Variants in NRG4 observed in about 807,000 individuals in gnomAD.
The protein encoded by NRG4 is neuregulin 4.
A neutral mutation model predicts 15.0 loss-of-function variants in NRG4; 10 were observed. The observed-to-expected ratio is 0.67, with a 90% CI of 0.41 to 1.13. The LOEUF is 1.13. NRG4 is among the 50% of genes most tolerant of loss of function. The probability of loss-of-function intolerance (pLI) is 0.00; values close to 1 mark genes in which losing one functional copy is unlikely to be tolerated. For synonymous variants in NRG4, 41 were observed against 50.1 expected (o/e 0.82, Z 0.77); for missense variants, 139 against 140.2 (o/e 0.99, Z 0.04).
At chr15:76,036,861 G>A (rs546423008) in intron 4 of NRG4, among the ~76,000 whole-genome samples, 1 of 152,108 alleles carries the variant, frequency 6.6e-6, no homozygotes, top group South Asian at 2.1e-4. Flanking sequence ...ACTGTTATTC[G>A]ACATAATACT....
rs1262514538 is a variant in NRG4, at chr15:75,961,853, T to C, written c.226A>G (p.Ile76Val). 7 of 1,613,242 alleles carry C rather than the reference T, an allele frequency of 4.3e-6. No individual in the cohort carries two copies. Among genetic ancestry groups the C allele is most frequent in the East Asian group, 2.2e-5 (1 of 44,868 alleles). The stretch of plus-strand genomic sequence containing the variant: ...CTGCAAAGGAAGTAGAAGGCTCCAA[T>C]GATAAGTGTTACTAGGACCGCCAAT... The part of the protein sequence containing the change: ...VALAVLVTLI[I>V]GAFYFLCRKG... The change falls in exon 4 of 6, where the codon ATT (isoleucine) becomes GTT (valine). Residue 76 changes from isoleucine to valine, a missense_variant. By Grantham distance (29) the Ile-to-Val change is conservative. Coordinates refer to ENST00000394907, the MANE Select transcript of NRG4 (RefSeq NM_138573.4).
chr15:76,055,763 T>C (rs902939327), intron 2 of NRG4, among the ~76,000 whole-genome samples: 1 of 152,228 alleles, frequency 6.6e-6, no homozygotes, highest in Non-Finnish European at 1.5e-5. Flanking sequence ...AGATTTTTCA[T>C]GGAGGACTAT....
intron 3 of NRG4, among the ~76,000 whole-genome samples, chr15:75,966,976 G>A (rs964090048): frequency 1.3e-5 from 2 of 151,854 alleles, no homozygotes; most frequent in African/African-American, 2.4e-5. Context: ...TTAGCCAGGC[G>A]TGGTGGTAGG....
At chr15:75,999,176 A>C (rs1051858104) in intron 3 of NRG4, among the ~76,000 whole-genome samples, 2 of 152,246 alleles carry the variant, frequency 1.3e-5, no homozygotes, top group Admixed American at 1.3e-4. Flanking sequence ...TTGAGTACTT[A>C]CTATGTTTCA....
chr15:75,991,044 T>C (rs2033996787), intron 3 of NRG4, among the ~76,000 whole-genome samples: 1 of 152,194 alleles, frequency 6.6e-6, no homozygotes, highest in Non-Finnish European at 1.5e-5. Context: ...TTTCAAGGTA[T>C]CCATTTCCAA....
At chr15:76,011,159 G>C (rs1596021728) in intron 2 of NRG4, 62 bp downstream of exon 2, 20 of 1,262,832 alleles carry the variant, frequency 1.6e-5, no homozygotes, top group Non-Finnish European at 2.1e-5. Flanking sequence ...ATACATTTTT[G>C]ATTGTTGTTC....
At chr15:75,966,113 A>G (rs2032780490) in intron 3 of NRG4, among the ~76,000 whole-genome samples, 1 of 148,248 alleles carries the variant, frequency 6.7e-6, no homozygotes, top group African/African-American at 2.4e-5. Flanking sequence ...GCTGAATACC[A>G]CCAATTATCT....
Position 76,050,484 on chromosome 15 carries a change from C to T in NRG4, c.-105+1583G>A, listed in dbSNP as rs1256554644. 2.1e-5 allele frequency among the ~76,000 whole-genome samples: 3 copies of T among 143,096 alleles called. 1 individual carries two copies. The highest frequency in any genetic ancestry group is 4.5e-5 in the Non-Finnish European group (3 of 66,140). The allele number at this position is 143,096 out of a possible 152,430, so 93.9% of individuals were successfully genotyped here. On this transcript the variant is annotated intron_variant, in intron 4 of 8. Coordinates refer to the NRG4 transcript ENST00000563910. ...TGAAACGGAGTCTCACTCTATTGCCCTGGCTGGAGTGCAATGGCTCACTGC... is the reference window on the plus strand; with the variant it reads ...TGAAACGGAGTCTCACTCTATTGCCTTGGCTGGAGTGCAATGGCTCACTGC...
intron 3 of NRG4, among the ~76,000 whole-genome samples, chr15:75,999,270 C>T (rs1388219745): frequency 1.3e-5 from 2 of 152,148 alleles, no homozygotes; most frequent in African/African-American, 4.8e-5. Flanking sequence ...GATCTATAAA[C>T]TGATAATGTT....
chr15:75,964,395 G>T (rs887850712), intron 3 of NRG4, among the ~76,000 whole-genome samples: 1 of 152,042 alleles, frequency 6.6e-6, no homozygotes, highest in African/African-American at 2.4e-5. Context: ...ACTGCTAAAG[G>T]TTTTTTAAGG....
rs966149420 is a variant in NRG4, at chr15:76,011,294, G to A, written c.-56-8C>T. The A allele has an allele frequency of 2.3e-6, 3 of 1,294,196 alleles. No individual in the cohort carries two copies. Among genetic ancestry groups the A allele is most frequent in the Non-Finnish European group, 2.0e-6 (2 of 991,546 alleles). The allele number at this position is 1,294,196 out of a possible 1,614,324, so 80.2% of individuals were successfully genotyped here. ...AGGGTTGAAAAACAGTACCTAAAACGGTTTAAAAAGTAATAATTCAGGGAA... is the reference window on the plus strand; with the variant it reads ...AGGGTTGAAAAACAGTACCTAAAACAGTTTAAAAAGTAATAATTCAGGGAA... On this transcript the variant is annotated splice_region_variant and splice_polypyrimidine_tract_variant and intron_variant, in intron 1 of 5. Transcript: ENST00000394907.
chr15:76,005,678 A>AG (rs2141899963), intron 3 of NRG4: 5 of 324,962 alleles, frequency 1.5e-5, no homozygotes, highest in South Asian at 2.7e-5. Context: ...ACTCTGTCTC[A>AG]GAAAAAAAAA....
upstream of NRG4, among the ~76,000 whole-genome samples, chr15:76,015,359 C>T (rs1253126624): frequency 6.6e-6 from 1 of 152,152 alleles, no homozygotes; most frequent in Non-Finnish European, 1.5e-5. Flanking sequence ...ATTGGCCTGG[C>T]CAGAACCTCC....
chr15:76,051,788 G>T (rs1265701591), intron 4 of NRG4, among the ~76,000 whole-genome samples: 1 of 149,718 alleles, frequency 6.7e-6, no homozygotes, highest in Non-Finnish European at 1.5e-5. Flanking sequence ...AGCCAGGATG[G>T]TCTTGATCTC....
At chr15:75,994,084 C>T (rs1567097670) in intron 3 of NRG4, among the ~76,000 whole-genome samples, 1 of 152,142 alleles carries the variant, frequency 6.6e-6, no homozygotes, top group Admixed American at 6.5e-5. Flanking sequence ...CCAGACCTTA[C>T]GAGTGACATG....
intron 4 of NRG4, among the ~76,000 whole-genome samples, chr15:76,040,426 G>A (rs908377619): frequency 2.0e-5 from 3 of 152,152 alleles, no homozygotes; most frequent in Non-Finnish European, 2.9e-5. Context: ...AAATGCTAAA[G>A]GGAGTACTTC....
chr15:76,059,240 A>G (rs547322466), intron 1 of NRG4, among the ~76,000 whole-genome samples: 1 of 152,332 alleles, frequency 6.6e-6, no homozygotes, highest in East Asian at 1.9e-4. Flanking sequence ...GAGGCCATCA[A>G]ATGAATGTAC....
At chr15:75,962,796 T>C (rs2032596007) in intron 3 of NRG4, among the ~76,000 whole-genome samples, 1 of 152,146 alleles carries the variant, frequency 6.6e-6, no homozygotes, top group Non-Finnish European at 1.5e-5. Flanking sequence ...TTCAACATAG[T>C]AGCATTTAAA....
chr15:76,008,509 C>T (rs2034690258), intron 3 of NRG4, among the ~76,000 whole-genome samples: 1 of 152,064 alleles, frequency 6.6e-6, no homozygotes, highest in Admixed American at 6.6e-5. Context: ...GGTGTTAGCT[C>T]CACAGTATAG....
Sources: gnomAD v4.1 joint callset for allele counts (sites outside exome capture counted in the v4.1 genomes callset) on GRCh38, gnomAD v4.1.1 for gene constraint, MANE v1.5 for transcripts, NCBI Gene and HGNC (gene_info 2026-07-23, HGNC 2026-07-21) for gene names.